CBL: variants seen among roughly 807,000 people sequenced by gnomAD.
CBL encodes the protein E3 ubiquitin-protein ligase CBL.
In CBL, 45 loss-of-function variants were observed where a neutral mutation model predicts 96.9. That is an observed-to-expected ratio of 0.46 (90% CI 0.37 to 0.60). The LOEUF (loss-of-function observed/expected upper bound fraction) is 0.60, where lower values mean the gene tolerates loss of function less well. Among genes scored for constraint, CBL ranks in the 20% least tolerant of loss-of-function variants. CBL has a pLI of 0.00. For synonymous variants in CBL, 420 were observed against 426.8 expected (o/e 0.98, Z 0.20); for missense variants, 1,024 against 1,143.5 (o/e 0.90, Z 1.51).
intron 12 of CBL, among the ~76,000 whole-genome samples, chr11:119,290,721 G>C (rs1950020674): frequency 6.7e-6 from 1 of 149,584 alleles, no homozygotes; most frequent in African/African-American, 2.4e-5. Context: ...TGTCACCCAG[G>C]CTGGAGTCCA....
intron 2 of CBL, among the ~76,000 whole-genome samples, chr11:119,246,691 A>C (rs534614591): frequency 1.3e-5 from 2 of 152,250 alleles, no homozygotes; most frequent in African/African-American, 4.8e-5. Context: ...ACCTCAAGTG[A>C]TCCACCCACT....
Position 119,224,103 on chromosome 11 carries a change from A to G in CBL, c.196-8345A>G, listed in dbSNP as rs112470828. ...CTTGAGAAAACCAGACATTTAGTAT[A>G]CAAATGAACTTTAAGAGGTGACATG... is the stretch of plus-strand genomic sequence containing the variant. On this transcript the variant is annotated intron_variant, in intron 1 of 15. Transcript: ENST00000264033. Among the ~76,000 whole-genome samples the G allele has an allele frequency of 2.6e-3, 391 of 152,332 alleles. 3 individuals are homozygous for G. Among genetic ancestry groups the G allele is most frequent in the Admixed American group, 0.013 (201 of 15,288 alleles).
chr11:119,217,403 A>G (rs1470228363), intron 1 of CBL, among the ~76,000 whole-genome samples: 1 of 152,200 alleles, frequency 6.6e-6, no homozygotes, highest in Admixed American at 6.5e-5. Flanking sequence ...GTGAGCTACC[A>G]CGTGCAGCCC....
intron 9 of CBL, among the ~76,000 whole-genome samples, chr11:119,281,494 C>CTTT (rs34775460): frequency 7.9e-6 from 1 of 125,832 alleles, no homozygotes; most frequent in Non-Finnish European, 1.6e-5. Flanking sequence ...CACCAAAAGC[C>CTTT]TTTTTTTTTT....
intron 1 of CBL, among the ~76,000 whole-genome samples, chr11:119,209,408 A>T (rs1592366219): frequency 6.6e-6 from 1 of 152,212 alleles, no homozygotes; most frequent in Non-Finnish European, 1.5e-5. Context: ...ACTTGAGGTC[A>T]GGAGCTCCAG....
Position 119,307,291 on chromosome 11 carries a change from C to G in CBL, c.*7510C>G. The G allele has an allele frequency of 4.3e-6, 1 of 232,878 alleles. No individual in the cohort carries two copies. Among genetic ancestry groups the G allele is most frequent in the Non-Finnish European group, 8.5e-6 (1 of 117,534 alleles). 14.4% of individuals were successfully genotyped at this position (232,878 alleles called of 1,614,324 possible). A position where few individuals can be genotyped will look rare whatever the true frequency, so the allele number is the denominator to read the frequency against. Reference sequence around the variant, plus strand: ...TCACAATTCCCAGGTAAACTCTGGACCATTCCAAGTGTCCTAGCCTTCTGA... The same window carrying G: ...TCACAATTCCCAGGTAAACTCTGGAGCATTCCAAGTGTCCTAGCCTTCTGA... On this transcript the variant is annotated 3_prime_UTR_variant, in exon 16 of 16. Transcript: ENST00000264033.
intron 1 of CBL, among the ~76,000 whole-genome samples, chr11:119,212,765 C>G (rs2135249514): frequency 6.6e-6 from 1 of 151,908 alleles, no homozygotes; most frequent in African/African-American, 2.4e-5. Context: ...AATCCCAGCA[C>G]TTTGGGAGGC....
intron 1 of CBL, among the ~76,000 whole-genome samples, chr11:119,228,324 G>A (rs1053861175): frequency 6.6e-6 from 1 of 152,086 alleles, no homozygotes; most frequent in Admixed American, 6.6e-5. Context: ...TGTTGTCCAG[G>A]CTGAATTTTA....
intron 2 of CBL, among the ~76,000 whole-genome samples, chr11:119,234,795 G>C (rs1036193781): frequency 6.6e-6 from 1 of 152,212 alleles, no homozygotes; most frequent in Non-Finnish European, 1.5e-5. Context: ...AAAAAGTGCT[G>C]TGCGAATACA....
At chr11:119,210,377 A>G (rs1473780107) in intron 1 of CBL, among the ~76,000 whole-genome samples, 1 of 152,140 alleles carries the variant, frequency 6.6e-6, no homozygotes, top group Non-Finnish European at 1.5e-5. Context: ...ACCCTGTTTC[A>G]AAAACAAATA....
chr11:119,217,919 ATAAAAAAAT>A (rs1949375992), intron 1 of CBL, among the ~76,000 whole-genome samples: 1 of 152,116 alleles, frequency 6.6e-6, no homozygotes, highest in South Asian at 2.1e-4. Context: ...AAAATAAAAA[ATAAAAAAAT>A]TAGTTGGCCG....
At chr11:119,279,490 C>CT (rs1224134277) in intron 9 of CBL, among the ~76,000 whole-genome samples, 3 of 123,322 alleles carry the variant, frequency 2.4e-5, no homozygotes, top group Non-Finnish European at 4.8e-5. Context: ...CATGCCCCCC[C>CT]CTAAAAAAAA....
At chr11:119,228,561 G>A (rs989861524) in intron 1 of CBL, among the ~76,000 whole-genome samples, 115 of 150,230 alleles carry the variant, frequency 7.7e-4, no homozygotes, top group African/African-American at 2.5e-3. Context: ...AGCTGAGATC[G>A]CACCATTGCA....
At chr11:119,215,098 C>T (rs1381316978) in intron 1 of CBL, among the ~76,000 whole-genome samples, 3 of 151,892 alleles carry the variant, frequency 2.0e-5, no homozygotes, top group Non-Finnish European at 2.9e-5. Context: ...ATGTAATCAG[C>T]AGTAGGATTT....
Position 119,307,121 on chromosome 11 carries a change from GT to G in CBL, c.*7341del. ...CTGTGACTGGAGAGGTGACATGCAG[GT>G]GCAGTGTGTCTGGAGTCCCTTTCCC... On this transcript the variant is annotated 3_prime_UTR_variant, in exon 16 of 16. Coordinates refer to ENST00000264033, the MANE Select transcript of CBL (RefSeq NM_005188.4). 1 of 231,770 alleles carries G rather than the reference GT, an allele frequency of 4.3e-6. No homozygotes were observed. Among genetic ancestry groups the G allele is most frequent in the African/African-American group, 2.2e-5 (1 of 45,308 alleles). 14.4% of individuals were successfully genotyped at this position (231,770 alleles called of 1,614,324 possible). A position where few individuals can be genotyped will look rare whatever the true frequency, so the allele number is the denominator to read the frequency against.
intron 9 of CBL, among the ~76,000 whole-genome samples, chr11:119,284,699 C>T (rs1446562002): frequency 6.6e-6 from 1 of 151,912 alleles, no homozygotes; most frequent in African/African-American, 2.4e-5. Context: ...TTTTTGTAGC[C>T]CTGTCCTTTC....
At chr11:119,266,018 CAAAAAAA>C (rs398017759) in intron 2 of CBL, among the ~76,000 whole-genome samples, 2 of 76,032 alleles carry the variant, frequency 2.6e-5, no homozygotes, top group African/African-American at 1.1e-4. Context: ...GACTCCATCT[CAAAAAAA>C]AAAAAAAAAA....
Position 119,298,450 on chromosome 11 carries a change from C to T in CBL, c.2344C>T (p.Pro782Ser), listed in dbSNP as rs2135321082. Residue 782 changes from proline to serine, a missense_variant, in exon 15 of 16, where the codon CCG (proline) becomes TCG (serine). Transcript: ENST00000264033. ...GTATGATGTCCCAAAGCCACCTGTGCCGGCCGTGCTGGCCCGCCGAACTCT... is the reference window on the plus strand; with the variant it reads ...GTATGATGTCCCAAAGCCACCTGTGTCGGCCGTGCTGGCCCGCCGAACTCT... ...DGYDVPKPPV[P>S]AVLARRTLSD... is the part of the protein sequence containing the mutation. The T allele has an allele frequency of 6.2e-7, 1 of 1,614,138 alleles. No homozygotes were observed. Among genetic ancestry groups the T allele is most frequent in the Non-Finnish European group, 8.5e-7 (1 of 1,179,976 alleles).
intron 2 of CBL, among the ~76,000 whole-genome samples, chr11:119,234,900 CA>C (rs1396847807): frequency 1.3e-5 from 2 of 152,152 alleles, no homozygotes; most frequent in African/African-American, 4.8e-5. Context: ...GCAGAGAAGT[CA>C]AGAAAAGTCT....
Sources: allele counts gnomAD v4.1 joint callset (sites outside exome capture counted in the v4.1 genomes callset), GRCh38; gene constraint gnomAD v4.1.1; transcripts MANE v1.5; gene names NCBI Gene and HGNC (gene_info 2026-07-23, HGNC 2026-07-21).